The following BRIX1 variants were observed in gnomAD, a reference collection of about 807,000 sequenced individuals.
The protein encoded by BRIX1 is ribosome biogenesis protein BRX1 homolog.
A neutral mutation model predicts 44.0 loss-of-function variants in BRIX1; 15 were observed. That is an observed-to-expected ratio of 0.34 (90% CI 0.23 to 0.53). The LOEUF (loss-of-function observed/expected upper bound fraction) is 0.53, where lower values mean the gene tolerates loss of function less well. Ranked by LOEUF, BRIX1 falls within the 20% of genes least tolerant of loss-of-function variation. The pLI is 0.95. For missense variants in BRIX1, 420 were observed against 432.8 expected (o/e 0.97, Z 0.26); for synonymous variants, 149 against 135.4 (o/e 1.10, Z -0.70).
chr5:34,917,817 G>A (rs1242258059), intron 1 of BRIX1, among the ~76,000 whole-genome samples: 1 of 152,124 alleles, frequency 6.6e-6, no homozygotes, highest in East Asian at 1.9e-4. Context: ...TGAGACATCT[G>A]TCATGGAGAG....
At chr5:34,919,417 G>C (rs1764192729) in intron 2 of BRIX1, among the ~76,000 whole-genome samples, 1 of 151,382 alleles carries the variant, frequency 6.6e-6, no homozygotes, top group South Asian at 2.1e-4. Flanking sequence ...ACTTATTTTA[G>C]ATTCAAGGAG....
rs1390895434 is a variant in BRIX1, at chr5:34,915,882, A to T, written c.144A>T (p.Pro48=). ...EVEEEERDRI[P]GPVCKGKWKN... ...AGGAAGAAGAGAGGGACCGGATCCCAGGCCCCGTTTGCAAGGTAGGAGGGG... is the reference window on the plus strand; with the variant it reads ...AGGAAGAAGAGAGGGACCGGATCCCTGGCCCCGTTTGCAAGGTAGGAGGGG... The change falls in exon 1 of 10, where the codon CCA becomes CCT. Residue 48 remains proline (P), a synonymous_variant. Coordinates refer to ENST00000336767, the MANE Select transcript of BRIX1 (RefSeq NM_018321.4). The T allele has an allele frequency of 1.9e-6, 3 of 1,556,824 alleles. No homozygotes were observed. The highest frequency in any genetic ancestry group is 2.6e-6 in the Non-Finnish European group (3 of 1,150,520).
chr5:34,925,484 A>T lies in BRIX1; in HGVS notation c.1051A>T (p.Lys351Ter), dbSNP rs1764358055. ...AATGAAACAGAGGATGGACAGTGGG[A>T]AAACAAAATAAGTCAATGGAAACCT... is the stretch of plus-strand genomic sequence containing the variant. ...RKMKQRMDSG[K>*]TK The change falls in exon 10 of 10, where the codon AAA (lysine) becomes TAA (stop). Residue 351 changes from lysine to a stop codon, truncating the protein, a stop_gained. Transcript: ENST00000336767. LOFTEE classifies it high-confidence loss of function. The T allele has an allele frequency of 6.2e-7, 1 of 1,609,598 alleles. No homozygotes were observed. The highest frequency in any genetic ancestry group is 1.1e-5 in the South Asian group (1 of 89,884).
Position 34,915,722 on chromosome 5 carries a change from G to A in BRIX1, c.-17G>A, listed in dbSNP as rs1156746214. The A allele has an allele frequency of 1.3e-6, 2 of 1,591,300 alleles. No individual in the cohort carries two copies. Among genetic ancestry groups the A allele is most frequent in the Non-Finnish European group, 1.7e-6 (2 of 1,169,506 alleles). ...CAGCGCCGGAAAGGAGGCCAAGAGC[G>A]CGGGCGGCGAGGCAAGATGGCGGCA... On this transcript the variant is annotated 5_prime_UTR_variant, in exon 1 of 10. Coordinates refer to ENST00000336767, the MANE Select transcript of BRIX1 (RefSeq NM_018321.4).
rs369116745 is a variant in BRIX1 at position 34,915,944 on chromosome 5, C to T, written c.159+47C>T. 20 of 1,490,822 alleles carry T rather than the reference C, an allele frequency of 1.3e-5. No individual in the cohort carries two copies. In the African/African-American group the frequency reaches 2.8e-4, roughly 21 times the overall value. 92.3% of individuals were successfully genotyped at this position (1,490,822 alleles called of 1,614,324 possible). On this transcript the variant is annotated intron_variant, in intron 1 of 9. Coordinates refer to ENST00000336767, the MANE Select transcript of BRIX1 (RefSeq NM_018321.4). Reference sequence around the variant, plus strand: ...CTACACCTGCGGCGGCGGCTCTGTGCGCCTTTTCTTGGGTTACTTACTTGA... The same window carrying T: ...CTACACCTGCGGCGGCGGCTCTGTGTGCCTTTTCTTGGGTTACTTACTTGA...
In BRIX1 at chr5:34,925,205, ATC is replaced by A; in HGVS notation, c.793-19_793-18del. Reference sequence around the variant, plus strand: ...TTTATTTTTATTTCAAAAGCATCTAATCTTTTTTTTTTTTTTTTAGCATCGGC... The same window carrying A: ...TTTATTTTTATTTCAAAAGCATCTAATTTTTTTTTTTTTTTTAGCATCGGC... On this transcript the variant is annotated intron_variant, in intron 9 of 9. Coordinates refer to ENST00000336767, the MANE Select transcript of BRIX1 (RefSeq NM_018321.4). 1 of 1,455,042 alleles carries A rather than the reference ATC, an allele frequency of 6.9e-7. No homozygotes were observed. 90.1% of individuals were successfully genotyped at this position (1,455,042 alleles called of 1,614,324 possible).
rs1223100709 is a variant in BRIX1, at chr5:34,925,744, C to G, written c.*249C>G. 1 of 360,996 alleles carries G rather than the reference C, an allele frequency of 2.8e-6. No individual in the cohort carries two copies. Among genetic ancestry groups the G allele is most frequent in the South Asian group, 5.7e-5 (1 of 17,560 alleles). 22.4% of individuals were successfully genotyped at this position (360,996 alleles called of 1,614,324 possible). A position where few individuals can be genotyped will look rare whatever the true frequency, so the allele number is the denominator to read the frequency against. ...TGTAGCACACTTAATGTAGCCTGTTCTCTTGGGTTGGAATTTTTGGTTTAG... is the reference window on the plus strand; with the variant it reads ...TGTAGCACACTTAATGTAGCCTGTTGTCTTGGGTTGGAATTTTTGGTTTAG... On this transcript the variant is annotated 3_prime_UTR_variant, in exon 10 of 10. Transcript: ENST00000336767.
intron 8 of BRIX1, 54 bp downstream of exon 8, chr5:34,923,288 T>C: frequency 7.3e-7 from 1 of 1,377,970 alleles, no homozygotes; most frequent in Non-Finnish European, 1.0e-6. Context: ...GTTTATTTAT[T>C]TATGTTTTGA....
At chr5:34,922,351 A>C in intron 4 of BRIX1, 64 bp downstream of exon 4, 1 of 1,095,082 alleles carries the variant, frequency 9.1e-7, no homozygotes, top group South Asian at 1.4e-5. Flanking sequence ...TGTACCTTTT[A>C]TGTTATAGAC....
At chr5:34,924,226 C>T (rs780418799) in intron 8 of BRIX1, among the ~76,000 whole-genome samples, 58 of 152,108 alleles carry the variant, frequency 3.8e-4, no homozygotes, top group Admixed American at 1.2e-3. Context: ...AAGAGAACAG[C>T]AAGAACAAAA....
chr5:34,915,781 C>G lies in BRIX1; in HGVS notation c.43C>G (p.Gln15Glu). 1 of 1,599,118 alleles carries G rather than the reference C, an allele frequency of 6.3e-7. No homozygotes were observed. The highest frequency in any genetic ancestry group is 8.5e-7 in the Non-Finnish European group (1 of 1,172,876). The change falls in exon 1 of 10, where the codon CAG (glutamine) becomes GAG (glutamate). Residue 15 changes from glutamine to glutamate, a missense_variant. Coordinates refer to ENST00000336767, the MANE Select transcript of BRIX1 (RefSeq NM_018321.4). ...GAAACGGCGTGGAGGCTTTGCAGTT[C>G]AGGCGAAGAAGCCAAAAAGAAACGA... ...KRKRRGGFAV[Q>E]AKKPKRNEID...
chr5:34,917,073 G>A (rs747062554), intron 1 of BRIX1, among the ~76,000 whole-genome samples: 2 of 151,988 alleles, frequency 1.3e-5, no homozygotes, highest in Non-Finnish European at 2.9e-5. Context: ...GATTTAGCCC[G>A]TAAGCTGCAT....
rs780702406 is a variant in BRIX1, at chr5:34,925,233, G to A, written c.800G>A (p.Arg267His). The A allele has an allele frequency of 2.2e-5, 34 of 1,534,730 alleles. No homozygotes were observed. The Admixed American group carries it at 3.0e-4, about 14-fold the overall frequency. ...TTTTTTTTTTTTTTTTAGCATCGGC[G>A]TGTCATAAGATCCATCACAGCTGCA... ...PHYQSPNMHR[R>H]VIRSITAAKY... Residue 267 changes from arginine (R) to histidine (H), a missense_variant, in exon 10 of 10, where the codon CGT becomes CAT. Coordinates refer to ENST00000336767, the MANE Select transcript of BRIX1 (RefSeq NM_018321.4).
At chr5:34,920,831 GTTTTTT>G (rs895509478) in intron 3 of BRIX1, 5 of 143,542 alleles carry the variant, frequency 3.5e-5, no homozygotes, top group Non-Finnish European at 6.2e-5. Context: ...CAAAAGTTTT[GTTTTTT>G]TTTTTTAAGT....
At chr5:34,916,089 C>T (rs1764076032) in intron 1 of BRIX1, 192 bp downstream of exon 1, 1 of 585,216 alleles carries the variant, frequency 1.7e-6, no homozygotes, top group Admixed American at 4.0e-5. Context: ...GGCCGTCTTC[C>T]TGGAGGCGGC....
chr5:34,922,780 A>T lies in BRIX1; in HGVS notation c.510+12A>T. The T allele has an allele frequency of 6.2e-7, 1 of 1,610,642 alleles. No individual in the cohort carries two copies. Among genetic ancestry groups the T allele is most frequent in the Middle Eastern group, 1.7e-4 (1 of 6,058 alleles). Reference sequence around the variant, plus strand: ...TGTCTTTTGACCCTGTAAGTTTCTCATTCAGTGTATGAGGTCTAATTTTCT... The same window carrying T: ...TGTCTTTTGACCCTGTAAGTTTCTCTTTCAGTGTATGAGGTCTAATTTTCT... On this transcript the variant is annotated intron_variant, in intron 6 of 9. Coordinates refer to ENST00000336767, the MANE Select transcript of BRIX1 (RefSeq NM_018321.4).
Position 34,924,396 on chromosome 5 carries a change from C to T in BRIX1, c.664-451C>T, listed in dbSNP as rs113249429. ...TTGTTCGGAAGTTGCCTTTTAATTC[C>T]ATAATCAGTAGCTATTAAATAAATT... On this transcript the variant is annotated intron_variant, in intron 8 of 9. Transcript: ENST00000336767. Among the ~76,000 whole-genome samples, 692 of 152,238 alleles carry T rather than the reference C, an allele frequency of 4.5e-3. 5 individuals are homozygous for T. Among genetic ancestry groups the T allele is most frequent in the Non-Finnish European group, 7.1e-3 (485 of 68,016 alleles).
intron 2 of BRIX1, among the ~76,000 whole-genome samples, chr5:34,919,157 T>C (rs1317220366): frequency 6.7e-6 from 1 of 149,250 alleles, no homozygotes; most frequent in East Asian, 2.0e-4. Context: ...TTGCCTGCAG[T>C]CCCAGCTACT....
At chr5:34,922,381 G>A (rs531405459) in intron 4 of BRIX1, 94 bp downstream of exon 4, 153 of 950,608 alleles carry the variant, frequency 1.6e-4, no homozygotes, top group Non-Finnish European at 2.3e-4. Context: ...TTCATGTTAA[G>A]GGTTGAGAAT....
Sources: gnomAD v4.1 joint callset for allele counts (sites outside exome capture counted in the v4.1 genomes callset) on GRCh38, gnomAD v4.1.1 for gene constraint, MANE v1.5 for transcripts, NCBI Gene and HGNC (gene_info 2026-07-23, HGNC 2026-07-21) for gene names.